ABL1: variants seen among roughly 807,000 people sequenced by gnomAD.
ABL1 encodes tyrosine-protein kinase ABL1.
ABL1 carries 11 observed loss-of-function variants against 94.7 expected under a neutral mutation model. That is an observed-to-expected ratio of 0.12 (90% confidence interval 0.07 to 0.19). ABL1 has a LOEUF of 0.19. Among genes scored for constraint, ABL1 ranks in the 10% least tolerant of loss-of-function variants. The probability of loss-of-function intolerance (pLI) is 1.00; values close to 1 mark genes in which losing one functional copy is unlikely to be tolerated. For synonymous variants in ABL1, 656 were observed against 622.4 expected, an observed-to-expected ratio of 1.05 and a Z score of -0.80; for missense variants, 1,082 against 1,489.4, an observed-to-expected ratio of 0.73 and a Z score of 4.50.
chr9:130,717,839 C>G (rs1222759726), intron 1 of ABL1, among the ~76,000 whole-genome samples: 1 of 151,690 alleles, frequency 6.6e-6, no homozygotes, highest in Non-Finnish European at 1.5e-5. Context: ...CATGGAGAAA[C>G]CCTGTCTCTA....
At chr9:130,878,108 C>T (rs1247943900) in intron 7 of ABL1, among the ~76,000 whole-genome samples, 2 of 151,930 alleles carry the variant, frequency 1.3e-5, no homozygotes, top group South Asian at 2.1e-4. Context: ...CCACCGTGCC[C>T]GGCCCCTAAT....
chr9:130,754,221 A>AAAG (rs1243926128), intron 1 of ABL1, among the ~76,000 whole-genome samples: 6 of 136,056 alleles, frequency 4.4e-5, no homozygotes. Flanking sequence ...AAAAAAAAAA[A>AAAG]AGAGAGACCA....
At chr9:130,868,520 CTTTTTTTTTTTTTTTTT>C (rs71389371) in intron 4 of ABL1, among the ~76,000 whole-genome samples, 1 of 112,114 alleles carries the variant, frequency 8.9e-6, no homozygotes, top group Non-Finnish European at 1.9e-5. Context: ...TTTTCTTTTT[CTTTTTTTTTTTTTTTTT>C]TTTTCAGACA....
chr9:130,880,361 C>T lies in ABL1; in HGVS notation c.1514-139C>T. 1 of 1,141,970 alleles carries T rather than the reference C, an allele frequency of 8.8e-7. No individual in the cohort carries two copies. Among genetic ancestry groups the T allele is most frequent in the Non-Finnish European group, 1.2e-6 (1 of 800,138 alleles). 70.7% of individuals were successfully genotyped at this position (1,141,970 alleles called of 1,614,324 possible). On this transcript the variant is annotated intron_variant, in intron 9 of 10. Coordinates refer to ENST00000318560, the MANE Select transcript of ABL1 (RefSeq NM_005157.6). The surrounding 1 kb of genome is among the most constrained non-coding windows in gnomAD (Gnocchi z 4.4). The stretch of plus-strand genomic sequence containing the variant: ...TTCTAAGAAATGCTAAGGGCTGTTT[C>T]TCCGGTATCCACGTGCCTTTTCTTT...
intron 1 of ABL1, among the ~76,000 whole-genome samples, chr9:130,844,100 G>T (rs1830720285): frequency 6.6e-6 from 1 of 152,072 alleles, no homozygotes; most frequent in South Asian, 2.1e-4. Context: ...GGGAGACAGG[G>T]CCACCTCCCA....
intron 1 of ABL1, among the ~76,000 whole-genome samples, chr9:130,720,125 C>T (rs1317253897): frequency 6.6e-6 from 1 of 152,130 alleles, no homozygotes; most frequent in African/African-American, 2.4e-5. Flanking sequence ...TATGACAGGT[C>T]GTGTTGTAGT....
upstream of ABL1, chr9:130,833,905 T>G (rs909990756): frequency 1.4e-4 from 57 of 416,284 alleles, no homozygotes; most frequent in Middle Eastern, 1.7e-3. Context: ...CAAGGCTTTC[T>G]CTGAAACATA....
intron 1 of ABL1, among the ~76,000 whole-genome samples, chr9:130,769,327 G>GTTTT (rs1234290296): frequency 8.9e-6 from 1 of 112,912 alleles, no homozygotes; most frequent in African/African-American, 3.4e-5. Context: ...TATGGCCCTA[G>GTTTT]TCTTTTTTTT....
chr9:130,762,197 G>T (rs1232911635), intron 1 of ABL1, among the ~76,000 whole-genome samples: 1 of 151,316 alleles, frequency 6.6e-6, no homozygotes, highest in South Asian at 2.1e-4. Context: ...GAAGGTAACA[G>T]TTACCTAGAA....
chr9:130,737,831 CT>C (rs55666318), intron 1 of ABL1, among the ~76,000 whole-genome samples: 27,815 of 134,010 alleles, frequency 0.21, 2,889 homozygotes, highest in Middle Eastern at 0.38. Flanking sequence ...AGAACAGTGT[CT>C]TTTTTTTTTT....
chr9:130,880,296 TG>T lies in ABL1; in HGVS notation c.1513+141del, dbSNP rs1356854425. On this transcript the variant is annotated intron_variant, in intron 9 of 10. Transcript: ENST00000318560. The surrounding 1 kb of genome is among the most constrained non-coding windows in gnomAD (Gnocchi z 4.4). The stretch of plus-strand genomic sequence containing the variant: ...GAGACCAGAAAGCTGGGCAGAGGTG[TG>T]GAGTATTGTGCTTTCTTGTCTGCTG... The T allele has an allele frequency of 1.8e-6, 2 of 1,101,506 alleles. No homozygotes were observed. The highest frequency in any genetic ancestry group is 3.1e-5 in the African/African-American group (2 of 64,614). 68.2% of individuals were successfully genotyped at this position (1,101,506 alleles called of 1,614,324 possible).
chr9:130,727,751 GC>G (rs60571093), intron 1 of ABL1, among the ~76,000 whole-genome samples: 26,213 of 88,116 alleles, frequency 0.3, 3,977 homozygotes, highest in Middle Eastern at 0.5. Flanking sequence ...GTGAGACACC[GC>G]CCCCCCCCCC....
At chr9:130,796,248 C>G (rs1229144880) in intron 1 of ABL1, among the ~76,000 whole-genome samples, 1 of 151,966 alleles carries the variant, frequency 6.6e-6, no homozygotes, top group South Asian at 2.1e-4. Flanking sequence ...TTTGGCTGGC[C>G]ACCATAGCTC....
chr9:130,848,151 ACAG>A (rs769287491), intron 1 of ABL1, among the ~76,000 whole-genome samples: 11 of 152,094 alleles, frequency 7.2e-5, no homozygotes, highest in Non-Finnish European at 1.3e-4. Context: ...CCTTTTCAGG[ACAG>A]CCTGAAGGAA....
intron 3 of ABL1, among the ~76,000 whole-genome samples, chr9:130,860,804 C>A (rs569219181): frequency 1.1e-4 from 16 of 152,316 alleles, no homozygotes; most frequent in Admixed American, 2.6e-4. Context: ...GCACTTGCCA[C>A]CGGCAGTGAA....
At chr9:130,825,870 T>G (rs1830418786) in intron 1 of ABL1, among the ~76,000 whole-genome samples, 2 of 152,260 alleles carry the variant, frequency 1.3e-5, no homozygotes, top group African/African-American at 4.8e-5. Context: ...AATTTAGAGT[T>G]TTGTTGTTTC....
At chr9:130,781,939 A>G (rs1015744300) in intron 1 of ABL1, among the ~76,000 whole-genome samples, 6 of 152,266 alleles carry the variant, frequency 3.9e-5, no homozygotes, top group Non-Finnish European at 8.8e-5. Context: ...TCACATATGC[A>G]CACATACATG....
chr9:130,865,734 A>G, intron 4 of ABL1, among the ~76,000 whole-genome samples: 1 of 138,628 alleles, frequency 7.2e-6, no homozygotes, highest in East Asian at 2.1e-4. Flanking sequence ...GAGCAGAGTG[A>G]GACCCTGTCT....
intron 1 of ABL1, among the ~76,000 whole-genome samples, chr9:130,738,883 T>C (rs1831778656): frequency 1.3e-5 from 2 of 152,166 alleles, no homozygotes; most frequent in Non-Finnish European, 2.9e-5. Flanking sequence ...TTCTGTGTGT[T>C]ATGTGTCTTT....
Sources: gnomAD v4.1 joint callset for allele counts (sites outside exome capture counted in the v4.1 genomes callset) on GRCh38, gnomAD v4.1.1 for gene constraint, Gnocchi (gnomAD v3.1) non-coding constraint, MANE v1.5 for transcripts, NCBI Gene and HGNC (gene_info 2026-07-23, HGNC 2026-07-21) for gene names.